Variants in PLPP3 observed in about 807,000 individuals in gnomAD.
The protein encoded by PLPP3 is phospholipid phosphatase 3.
A neutral mutation model predicts 29.6 loss-of-function variants in PLPP3; 6 were observed. The ratio of observed to expected loss-of-function variants is 0.20; its 90% confidence interval spans 0.11 to 0.40. The LOEUF is 0.40. Ranked by LOEUF, PLPP3 falls within the 10% of genes least tolerant of loss-of-function variation. PLPP3 has a pLI of 1.00. For missense variants in PLPP3, 308 were observed against 407.7 expected (o/e 0.76, Z 2.11); for synonymous variants, 152 against 159.7 (o/e 0.95, Z 0.36).
chr1:56,573,566 T>C (rs1646215019), intron 1 of PLPP3, among the ~76,000 whole-genome samples: 1 of 152,150 alleles, frequency 6.6e-6, no homozygotes, highest in Non-Finnish European at 1.5e-5. Flanking sequence ...AAACACAGAA[T>C]CCCAGGTCCT....
chr1:56,512,277 T>A, intron 4 of PLPP3, 125 bp from the exon 5 acceptor site: 1 of 902,526 alleles, frequency 1.1e-6, no homozygotes, highest in Non-Finnish European at 1.6e-6. Context: ...TGGCATGTTG[T>A]AGATACAGCA....
intron 5 of PLPP3, among the ~76,000 whole-genome samples, chr1:56,506,101 C>T (rs181474521): frequency 1.3e-5 from 2 of 152,306 alleles, no homozygotes; most frequent in East Asian, 1.9e-4. Context: ...TTCATCCATT[C>T]CCCTGTGCCC....
chr1:56,571,395 C>T (rs906014638), intron 1 of PLPP3, among the ~76,000 whole-genome samples: 1 of 152,152 alleles, frequency 6.6e-6, no homozygotes, highest in Non-Finnish European at 1.5e-5. Flanking sequence ...CTTGCTTAAG[C>T]TTCTATGGCC....
intron 1 of PLPP3, among the ~76,000 whole-genome samples, chr1:56,537,680 G>A (rs1645937628): frequency 6.6e-6 from 1 of 152,124 alleles, no homozygotes; most frequent in South Asian, 2.1e-4. Flanking sequence ...GACTAAAGGA[G>A]ATCAACGCAC....
At chr1:56,578,546 T>C (rs1293012899) in intron 1 of PLPP3, among the ~76,000 whole-genome samples, 2 of 152,110 alleles carry the variant, frequency 1.3e-5, no homozygotes, top group African/African-American at 4.8e-5. Context: ...CTCAACCAAC[T>C]TCCCCTACGC....
chr1:56,503,154 C>T (rs1026068923), intron 5 of PLPP3, among the ~76,000 whole-genome samples: 1 of 151,934 alleles, frequency 6.6e-6, no homozygotes, highest in African/African-American at 2.4e-5. Context: ...GGGCTTTCAG[C>T]GGCTTTTGGC....
intron 1 of PLPP3, among the ~76,000 whole-genome samples, chr1:56,539,569 C>T (rs568283375): frequency 6.6e-6 from 1 of 151,784 alleles, no homozygotes; most frequent in African/African-American, 2.4e-5. Flanking sequence ...CAACACACCA[C>T]AGTATTGTGC....
At chr1:56,530,799 A>T (rs1645882887) in intron 2 of PLPP3, among the ~76,000 whole-genome samples, 2 of 152,144 alleles carry the variant, frequency 1.3e-5, no homozygotes, top group South Asian at 4.1e-4. Context: ...TTCCTGCTGT[A>T]ACCTTGTCTA....
In PLPP3 at chr1:56,524,140, A is replaced by T; in HGVS notation, c.575+137T>A. 1 of 1,072,180 alleles carries T rather than the reference A, an allele frequency of 9.3e-7. No homozygotes were observed. Among genetic ancestry groups the T allele is most frequent in the Non-Finnish European group, 1.4e-6 (1 of 736,856 alleles). The allele number at this position is 1,072,180 out of a possible 1,614,324, so 66.4% of individuals were successfully genotyped here. The stretch of plus-strand genomic sequence containing the variant: ...ATTGATTTACATATCTGTCTCAATC[A>T]TCTGACTGTGAGTTCCTCAAGAATA... On this transcript the variant is annotated intron_variant, in intron 3 of 5. Coordinates refer to ENST00000371250, the MANE Select transcript of PLPP3 (RefSeq NM_003713.5). The surrounding 1 kb of genome is among the most constrained non-coding windows in gnomAD (Gnocchi z 4.3).
chr1:56,508,404 A>G (rs1398048903), intron 5 of PLPP3, among the ~76,000 whole-genome samples: 2 of 152,158 alleles, frequency 1.3e-5, no homozygotes, highest in Non-Finnish European at 2.9e-5. Context: ...TTACAACTCA[A>G]TTAACAGGGA....
intron 4 of PLPP3, among the ~76,000 whole-genome samples, chr1:56,518,715 T>TTACATATATATATATATATATA (rs1553136508): frequency 7.9e-6 from 1 of 126,668 alleles, no homozygotes; most frequent in African/African-American, 2.8e-5. Context: ...TTTTAATCAT[T>TTACATATATATATATATATATA]TATATATATA....
chr1:56,543,226 GT>G (rs1407136402), intron 1 of PLPP3, among the ~76,000 whole-genome samples: 2 of 152,116 alleles, frequency 1.3e-5, no homozygotes, highest in Non-Finnish European at 2.9e-5. Context: ...CCTTGAAGGA[GT>G]TTAGACTTTA....
chr1:56,498,912 G>A lies in PLPP3; in HGVS notation c.811-2236C>T, dbSNP rs1041587752. Among the ~76,000 whole-genome samples, 6 of 152,186 alleles carry A rather than the reference G, an allele frequency of 3.9e-5. No individual in the cohort carries two copies. In the East Asian group the frequency reaches 1.2e-3, roughly 29 times the overall value. On this transcript the variant is annotated intron_variant, in intron 5 of 5. Transcript: ENST00000371250. ...CTTCCAAAGAACTGGGATTACAGGT[G>A]TGAGCCACCGTGCCTGGCCCATCAC...
At chr1:56,548,281 C>G (rs1440279987) in intron 1 of PLPP3, among the ~76,000 whole-genome samples, 1 of 152,346 alleles carries the variant, frequency 6.6e-6, no homozygotes, top group East Asian at 1.9e-4. Context: ...ACAAATAATT[C>G]AGGGATGTAA....
At chr1:56,518,717 A>T (rs866155237) in intron 4 of PLPP3, among the ~76,000 whole-genome samples, 29 of 138,968 alleles carry the variant, frequency 2.1e-4, no homozygotes, top group Middle Eastern at 3.7e-3. Context: ...TTAATCATTT[A>T]TATATATATA....
chr1:56,521,591 C>A (rs1645820137), intron 4 of PLPP3, among the ~76,000 whole-genome samples: 1 of 152,022 alleles, frequency 6.6e-6, no homozygotes, highest in East Asian at 1.9e-4. Context: ...TTTAAAGAGA[C>A]AGGGTCTCCC....
intron 2 of PLPP3, among the ~76,000 whole-genome samples, chr1:56,533,594 C>T (rs1290066015): frequency 7.2e-6 from 1 of 139,728 alleles, no homozygotes; most frequent in East Asian, 1.9e-4. Context: ...GAATCAACCT[C>T]CCAGGATTAC....
At position 56,543,671 on chromosome 1, in the gene PLPP3, T is replaced by C. The variant is rs561628577; in HGVS notation, c.140-6559A>G. On this transcript the variant is annotated intron_variant, in intron 1 of 5. Transcript: ENST00000371250. ...ATTTTTAGACTGGACACAATCCAGA[T>C]GAGACAAAACTAAGTTTACTATGAA... Among the ~76,000 whole-genome samples, 231 of 152,344 alleles carry C rather than the reference T, an allele frequency of 1.5e-3. 1 individual carries two copies. The highest frequency in any genetic ancestry group is 2.6e-3 in the Non-Finnish European group (178 of 68,022).
At chr1:56,504,383 TTA>T (rs964856647) in intron 5 of PLPP3, among the ~76,000 whole-genome samples, 8 of 152,084 alleles carry the variant, frequency 5.3e-5, no homozygotes, top group African/African-American at 1.9e-4. Context: ...TCATAGGCTA[TTA>T]GGGAGGGTGT....
Sources: allele counts gnomAD v4.1 joint callset (sites outside exome capture counted in the v4.1 genomes callset), GRCh38; gene constraint gnomAD v4.1.1; non-coding constraint Gnocchi (gnomAD v3.1); transcripts MANE v1.5; gene names NCBI Gene and HGNC (gene_info 2026-07-23, HGNC 2026-07-21).